Variants in TDRD12 observed in about 807,000 individuals in gnomAD.
TDRD12 encodes putative ATP-dependent RNA helicase TDRD12.
Under a neutral mutation model 133.5 loss-of-function variants are expected in TDRD12, and 158 were observed. The ratio of observed to expected loss-of-function variants is 1.18; its 90% CI spans 1.04 to 1.35. TDRD12 has a LOEUF of 1.35. Among genes scored for constraint, TDRD12 ranks in the 40% most tolerant of loss-of-function variants. The pLI is 0.00. For missense variants in TDRD12, 1,443 were observed against 1,321.3 expected (o/e 1.09, Z -1.43); for synonymous variants, 460 against 477.9 (o/e 0.96, Z 0.49).
downstream of TDRD12, among the ~76,000 whole-genome samples, chr19:32,825,085 C>T (rs982860414): frequency 2.0e-5 from 3 of 152,120 alleles, no homozygotes; most frequent in African/African-American, 7.2e-5. This position sits in a 1 kb window ranked among gnomAD's most constrained non-coding sequence, Gnocchi z 4.1. Context: ...TTCCTCTGCT[C>T]GCCTCCTCTC....
At chr19:32,722,840 C>T (rs1174995231) in intron 1 of TDRD12, among the ~76,000 whole-genome samples, 4 of 151,732 alleles carry the variant, frequency 2.6e-5, no homozygotes, top group East Asian at 1.9e-4. Flanking sequence ...CCACCACAGC[C>T]GGCTAATTTT....
chr19:32,791,624 G>A (rs575721303), intron 13 of TDRD12, among the ~76,000 whole-genome samples: 1 of 152,216 alleles, frequency 6.6e-6, no homozygotes, highest in East Asian at 1.9e-4. Flanking sequence ...CCTCTTCAGG[G>A]AAGGAGTGCT....
chr19:32,791,945 T>TA lies in TDRD12; in HGVS notation c.1287+892dup, dbSNP rs33969319. Among the ~76,000 whole-genome samples the TA allele has an allele frequency of 5.6e-3, 805 of 143,080 alleles. 3 individuals carry two copies. Among genetic ancestry groups the TA allele is most frequent in the African/African-American group, 0.012 (464 of 38,878 alleles). 93.9% of individuals were successfully genotyped at this position (143,080 alleles called of 152,430 possible). ...GGACATTTGAAGAAAGCCTTCACCT[T>TA]AAAAAAAAAAAAAAAGACCAGGCTG... On this transcript the variant is annotated intron_variant, in intron 13 of 27. Transcript: ENST00000444215.
chr19:32,790,722 A>G, intron 12 of TDRD12, 131 bp downstream of exon 12: 2 of 1,545,630 alleles, frequency 1.3e-6, no homozygotes, highest in Non-Finnish European at 1.7e-6. Flanking sequence ...TAACCTGAAG[A>G]CATCCTTTTA....
intron 1 of TDRD12, among the ~76,000 whole-genome samples, chr19:32,726,830 C>A (rs940727849): frequency 6.6e-6 from 1 of 152,054 alleles, no homozygotes. Context: ...TTTTGCTTAT[C>A]CATTTATCTG....
intron 18 of TDRD12, among the ~76,000 whole-genome samples, chr19:32,800,996 C>T (rs76875304): frequency 1.9e-3 from 291 of 151,350 alleles, no homozygotes; most frequent in African/African-American, 6.7e-3. Flanking sequence ...TCTGCAGCAG[C>T]GTTCCCCAGG....
intron 6 of TDRD12, 39 bp from the exon 7 acceptor site, chr19:32,755,953 A>G: frequency 2.2e-6 from 3 of 1,352,408 alleles, no homozygotes; most frequent in African/African-American, 1.6e-5. Context: ...GCTTGACTAT[A>G]TTTGTCTTAT....
chr19:32,806,317 T>A (rs1971546351), intron 21 of TDRD12, among the ~76,000 whole-genome samples: 1 of 151,408 alleles, frequency 6.6e-6, no homozygotes, highest in Non-Finnish European at 1.5e-5. Flanking sequence ...GTATTCCTAT[T>A]TACGCTTAAA....
chr19:32,728,009 G>A (rs1968914643), intron 1 of TDRD12, among the ~76,000 whole-genome samples: 1 of 152,106 alleles, frequency 6.6e-6, no homozygotes, highest in South Asian at 2.1e-4. Flanking sequence ...AGTTTTCCCA[G>A]TGCTCATTTG....
chr19:32,799,055 A>C (rs1185330783), intron 16 of TDRD12, among the ~76,000 whole-genome samples: 1 of 152,160 alleles, frequency 6.6e-6, no homozygotes, highest in African/African-American at 2.4e-5. Context: ...CAGAACATGC[A>C]TGCTTTTTGC....
intron 8 of TDRD12, among the ~76,000 whole-genome samples, chr19:32,768,579 G>T (rs1259414242): frequency 6.6e-6 from 1 of 151,822 alleles, no homozygotes; most frequent in Admixed American, 6.6e-5. Context: ...TGGTCAAGCT[G>T]GTCTCAAACT....
intron 3 of TDRD12, among the ~76,000 whole-genome samples, chr19:32,740,400 A>ACTCTCTGCATCTCCTGGGTG (rs1969384341): frequency 1.6e-5 from 1 of 61,772 alleles, no homozygotes; most frequent in Non-Finnish European, 3.1e-5. Context: ...TCTCCTGGGT[A>ACTCTCTGCATCTCCTGGGTG]CTCTCTGCAT....
chr19:32,779,632 T>C (rs2145624990), intron 11 of TDRD12, among the ~76,000 whole-genome samples: 1 of 152,188 alleles, frequency 6.6e-6, no homozygotes, highest in East Asian at 1.9e-4. Context: ...TAAGGGCTTC[T>C]GGAGGTGGCA....
intron 10 of TDRD12, among the ~76,000 whole-genome samples, chr19:32,775,258 C>G (rs1167985116): frequency 1.3e-5 from 2 of 152,146 alleles, no homozygotes; most frequent in African/African-American, 4.8e-5. Flanking sequence ...TTCTACTGAT[C>G]TGTCTGTACA....
At chr19:32,810,478 A>G (rs961511670) in intron 23 of TDRD12, among the ~76,000 whole-genome samples, 1 of 152,218 alleles carries the variant, frequency 6.6e-6, no homozygotes, top group African/African-American at 2.4e-5. Context: ...ACCGTGACCC[A>G]TTGAGCCATC....
At chr19:32,743,017 C>G (rs1411005808) in intron 4 of TDRD12, 117 bp downstream of exon 4, 38 of 1,265,532 alleles carry the variant, frequency 3.0e-5, no homozygotes, top group Non-Finnish European at 7.4e-6. Context: ...CTCTGTTCTT[C>G]AGGAGGGGCT....
At chr19:32,806,820 C>T (rs906812375) in intron 21 of TDRD12, among the ~76,000 whole-genome samples, 1 of 151,938 alleles carries the variant, frequency 6.6e-6, no homozygotes, top group African/African-American at 2.4e-5. Context: ...TGCCACCATG[C>T]GCAGCTAATT....
chr19:32,737,380 T>C (rs1233182359), intron 2 of TDRD12, among the ~76,000 whole-genome samples: 1 of 152,002 alleles, frequency 6.6e-6, no homozygotes. Context: ...GATTTTTGTG[T>C]TTTTAGTAGA....
At chr19:32,790,825 T>C (rs1467110699) in intron 12 of TDRD12, 139 bp from the exon 13 acceptor site, 1 of 1,463,866 alleles carries the variant, frequency 6.8e-7, no homozygotes, top group Non-Finnish European at 9.0e-7. Flanking sequence ...TGGTTTTTTT[T>C]TTCTTTTTTT....
Sources: gnomAD v4.1 joint callset for allele counts (sites outside exome capture counted in the v4.1 genomes callset) on GRCh38, gnomAD v4.1.1 for gene constraint, Gnocchi (gnomAD v3.1) non-coding constraint, MANE v1.5 for transcripts, NCBI Gene and HGNC (gene_info 2026-07-23, HGNC 2026-07-21) for gene names.